The following NEGR1 variants were observed in gnomAD, a reference collection of about 807,000 sequenced individuals.
NEGR1 encodes neuronal growth regulator 1.
In NEGR1, 10 loss-of-function variants were observed where a neutral mutation model predicts 40.9. That is an observed-to-expected ratio of 0.24 (90% confidence interval 0.15 to 0.42). The LOEUF (loss-of-function observed/expected upper bound fraction) is 0.42, where lower values mean the gene tolerates loss of function less well. NEGR1 is among the 10% of genes least tolerant of loss of function. NEGR1 has a pLI of 1.00. For missense variants in NEGR1, 352 were observed against 438.9 expected (o/e 0.80, Z 1.77); for synonymous variants, 185 against 166.8 (o/e 1.11, Z -0.84).
intron 2 of NEGR1, among the ~76,000 whole-genome samples, chr1:71,866,224 A>G (rs980655176): frequency 2.6e-5 from 4 of 152,124 alleles, no homozygotes; most frequent in African/African-American, 9.6e-5. Flanking sequence ...AAAATCTCTA[A>G]TTGAATAATT....
chr1:71,681,984 G>A lies in NEGR1; in HGVS notation c.667+16024C>T, dbSNP rs111472426. Reference sequence around the variant, plus strand: ...TGGGATTACAGGCATGAGCCACCACGACTGGCTAACTTTTGTATTTTTAGT... The same window carrying A: ...TGGGATTACAGGCATGAGCCACCACAACTGGCTAACTTTTGTATTTTTAGT... On this transcript the variant is annotated intron_variant, in intron 4 of 6. Coordinates refer to ENST00000357731, the MANE Select transcript of NEGR1 (RefSeq NM_173808.3). Among the ~76,000 whole-genome samples the A allele has an allele frequency of 5.2e-3, 790 of 151,464 alleles. 7 individuals are homozygous for A. The highest frequency in any genetic ancestry group is 0.018 in the African/African-American group (755 of 41,270).
At chr1:71,746,188 C>T (rs12410430) in intron 3 of NEGR1, among the ~76,000 whole-genome samples, 63,117 of 152,054 alleles carry the variant, frequency 0.42, 15,536 homozygotes, top group Middle Eastern at 0.6. Context: ...GTCTTTGTCA[C>T]ACAGGTGTTG....
intron 4 of NEGR1, among the ~76,000 whole-genome samples, chr1:71,682,992 C>A (rs760255244): frequency 2.8e-5 from 4 of 142,192 alleles, no homozygotes; most frequent in Non-Finnish European, 6.1e-5. Flanking sequence ...GTACAGCCTG[C>A]AGAATCATGA....
At chr1:71,670,653 G>A (rs1177290227) in intron 4 of NEGR1, among the ~76,000 whole-genome samples, 4 of 151,744 alleles carry the variant, frequency 2.6e-5, no homozygotes, top group Non-Finnish European at 1.5e-5. Flanking sequence ...AGTGATCCTC[G>A]AGTCATGAAC....
intron 1 of NEGR1, among the ~76,000 whole-genome samples, chr1:71,980,569 T>A (rs1646345929): frequency 6.6e-6 from 1 of 152,180 alleles, no homozygotes; most frequent in Non-Finnish European, 1.5e-5. Context: ...AGTTGAGATA[T>A]AAATATGCAT....
In NEGR1 at chr1:71,765,279, A is replaced by G. The variant is rs1378505473; in HGVS notation, c.535+10893T>C. ...GCTACAAAATTTTGCCTCATTTGCC[A>G]TATTCACCTGACCTCTTGCCAACTG... On this transcript the variant is annotated intron_variant, in intron 3 of 6. Transcript: ENST00000357731. Among the ~76,000 whole-genome samples, 5 of 152,268 alleles carry G rather than the reference A, an allele frequency of 3.3e-5. No homozygotes were observed. In the East Asian group the frequency reaches 7.7e-4, roughly 24 times the overall value.
intron 6 of NEGR1, among the ~76,000 whole-genome samples, chr1:71,482,011 C>G (rs958817463): frequency 2.9e-4 from 44 of 151,824 alleles, no homozygotes; most frequent in African/African-American, 1.0e-3. Flanking sequence ...TACAGCAAAT[C>G]ACAAACCACT....
intron 3 of NEGR1, among the ~76,000 whole-genome samples, chr1:71,731,974 G>A (rs977405819): frequency 2.0e-5 from 3 of 152,128 alleles, no homozygotes; most frequent in African/African-American, 7.2e-5. Context: ...GACTCAAATT[G>A]AAGCCTCCAG....
chr1:71,504,948 GA>G (rs1471520060), intron 6 of NEGR1, among the ~76,000 whole-genome samples: 2 of 152,008 alleles, frequency 1.3e-5, no homozygotes, highest in South Asian at 2.1e-4. Context: ...AGAGGAGGAG[GA>G]AAAAAAATTA....
intron 4 of NEGR1, among the ~76,000 whole-genome samples, chr1:71,691,317 G>T (rs1158767408): frequency 6.6e-6 from 1 of 151,590 alleles, no homozygotes; most frequent in Non-Finnish European, 1.5e-5. Flanking sequence ...AAAGTCCCAA[G>T]GTGAATAAAA....
intron 6 of NEGR1, among the ~76,000 whole-genome samples, chr1:71,591,429 CGT>C (rs1226375045): frequency 1.3e-5 from 2 of 152,078 alleles, no homozygotes; most frequent in Admixed American, 6.6e-5. Context: ...AATAGCAAAA[CGT>C]AATATGTTAT....
intron 6 of NEGR1, among the ~76,000 whole-genome samples, chr1:71,545,535 G>A (rs72940307): frequency 0.045 from 6,786 of 151,652 alleles, 509 homozygotes; most frequent in African/African-American, 0.15. Context: ...TATGTCTATT[G>A]TGCTGTCTGA....
chr1:72,043,627 C>G (rs1646975031), intron 1 of NEGR1, among the ~76,000 whole-genome samples: 2 of 151,876 alleles, frequency 1.3e-5, no homozygotes, highest in Admixed American at 1.3e-4. Flanking sequence ...TAATGAAAAG[C>G]TAGCATAACT....
chr1:72,243,255 T>C (rs1654805533), intron 1 of NEGR1, among the ~76,000 whole-genome samples: 1 of 151,782 alleles, frequency 6.6e-6, no homozygotes, highest in Non-Finnish European at 1.5e-5. Context: ...ATACAAATAC[T>C]AAACTTAAAA....
intron 3 of NEGR1, among the ~76,000 whole-genome samples, chr1:71,767,354 T>G (rs1335142665): frequency 2.0e-5 from 3 of 152,166 alleles, no homozygotes; most frequent in African/African-American, 7.2e-5. Flanking sequence ...TTTGCTACAC[T>G]TTAGCAAAGA....
At chr1:71,802,699 G>T (rs766878559) in intron 2 of NEGR1, among the ~76,000 whole-genome samples, 12 of 152,138 alleles carry the variant, frequency 7.9e-5, no homozygotes, top group Admixed American at 1.3e-4. Flanking sequence ...CTAATAAAAT[G>T]CCTTGATAGG....
chr1:72,275,433 T>C (rs1656014604), intron 1 of NEGR1, among the ~76,000 whole-genome samples: 1 of 152,082 alleles, frequency 6.6e-6, no homozygotes, highest in Admixed American at 6.6e-5. Flanking sequence ...CAATTTAACA[T>C]TTCCTTTAGA....
chr1:72,150,276 A>C (rs1186551037), intron 1 of NEGR1, among the ~76,000 whole-genome samples: 1 of 152,206 alleles, frequency 6.6e-6, no homozygotes, highest in African/African-American at 2.4e-5. Context: ...TCACATATTG[A>C]CTTGGAAAGT....
intron 6 of NEGR1, among the ~76,000 whole-genome samples, chr1:71,538,031 T>C (rs1226151633): frequency 2.6e-5 from 4 of 151,742 alleles, no homozygotes; most frequent in Non-Finnish European, 4.4e-5. Flanking sequence ...GGGATAGTTT[T>C]AATTGTACAT....
Sources: gnomAD v4.1 joint callset for allele counts (sites outside exome capture counted in the v4.1 genomes callset) on GRCh38, gnomAD v4.1.1 for gene constraint, MANE v1.5 for transcripts, NCBI Gene and HGNC (gene_info 2026-07-23, HGNC 2026-07-21) for gene names.